Variants in FBXO16 observed in about 807,000 individuals in gnomAD.
FBXO16 encodes F-box only protein 16.
Under a neutral mutation model 41.0 loss-of-function variants are expected in FBXO16, and 31 were observed. The observed-to-expected ratio is 0.76, with a 90% CI of 0.57 to 1.02. FBXO16 has a LOEUF of 1.02. Among genes scored for constraint, FBXO16 ranks in the 50% least tolerant of loss-of-function variants. The probability of loss-of-function intolerance (pLI) is 0.00; values close to 1 mark genes in which losing one functional copy is unlikely to be tolerated. For missense variants in FBXO16, 361 were observed against 346.2 expected (o/e 1.04, Z -0.34); for synonymous variants, 133 against 117.8 (o/e 1.13, Z -0.84).
At position 28,486,564 on chromosome 8, in the gene FBXO16, G is replaced by A. The variant is rs938715285; in HGVS notation, c.-16-3102C>T. On this transcript the variant is annotated intron_variant, in intron 1 of 8. Transcript: ENST00000380254. ...TTTAAAACTAGTTGTTTTGTTGCCT[G>A]TAATCCCAGCACTTGGGAGGCTGAA... 3.3e-5 allele frequency among the ~76,000 whole-genome samples: 5 copies of A among 151,866 alleles called. 1 individual carries two copies. Among genetic ancestry groups the A allele is most frequent in the African/African-American group, 1.2e-4 (5 of 41,426 alleles).
intron 7 of FBXO16, among the ~76,000 whole-genome samples, chr8:28,432,130 T>A (rs1230895324): frequency 1.4e-4 from 1 of 7,162 alleles, no homozygotes; most frequent in South Asian, 8.2e-3. Context: ...ATGTATGGAG[T>A]GTGTGTGTGT....
At chr8:28,481,803 T>C (rs1421666427) in intron 2 of FBXO16, among the ~76,000 whole-genome samples, 2 of 131,048 alleles carry the variant, frequency 1.5e-5, no homozygotes, top group East Asian at 4.8e-4. Context: ...AGTGAGACTC[T>C]GTTTCAGGAA....
In FBXO16 at chr8:28,463,789, T is replaced by C. The variant is rs1487238232; in HGVS notation, c.165A>G (p.Arg55=). The change falls in exon 4 of 9, where the codon AGA becomes AGG. Residue 55 remains arginine, a synonymous_variant. Coordinates refer to ENST00000380254, the MANE Select transcript of FBXO16 (RefSeq NM_172366.4). ...GCTCCAACAGGCCTGTGAGGATTCT[T>C]CTTCTTTGAGAGTCTGTCCATTTGT... ...WFDKWTDSQR[R]RILTGLLERC... 1 of 1,613,894 alleles carries C rather than the reference T, an allele frequency of 6.2e-7. No homozygotes were observed. The highest frequency in any genetic ancestry group is 1.3e-5 in the African/African-American group (1 of 74,930).
At chr8:28,435,156 G>A (rs965995929) in intron 7 of FBXO16, among the ~76,000 whole-genome samples, 2 of 149,582 alleles carry the variant, frequency 1.3e-5, no homozygotes, top group Admixed American at 6.6e-5. Context: ...GACAACTGAA[G>A]GGTGATGAGG....
intron 7 of FBXO16, among the ~76,000 whole-genome samples, chr8:28,438,305 G>C (rs1357784032): frequency 6.6e-6 from 1 of 152,154 alleles, no homozygotes; most frequent in Non-Finnish European, 1.5e-5. Context: ...AACAGAGTGA[G>C]ACTGTGTCTA....
At chr8:28,432,343 G>T (rs143741667) in intron 7 of FBXO16, among the ~76,000 whole-genome samples, 3,532 of 151,868 alleles carry the variant, frequency 0.023, 133 homozygotes, top group African/African-American at 0.076. Flanking sequence ...GCGTGGTGGC[G>T]GGTGCCTGTA....
chr8:28,436,883 C>G (rs1802695026), intron 7 of FBXO16, among the ~76,000 whole-genome samples: 1 of 152,178 alleles, frequency 6.6e-6, no homozygotes, highest in African/African-American at 2.4e-5. Flanking sequence ...TCCCCAGTAG[C>G]TGGGACCACA....
chr8:28,454,753 G>GAAAAAAAAAAAAAAAAAAAA (rs1563363014), intron 5 of FBXO16, among the ~76,000 whole-genome samples: 1 of 58,342 alleles, frequency 1.7e-5, no homozygotes, highest in African/African-American at 9.9e-5. Context: ...AAAAAAAAAG[G>GAAAAAAAAAAAAAAAAAAAA]ATCATTAATT....
In FBXO16 at chr8:28,471,805, C is replaced by CACA. The variant is rs781686111; in HGVS notation, c.135+1966_135+1967insTGT. ...CTTGAAGAAAGAAAACAGAGAATCTCAAAAAAAAAAAAAAAAAAAAAAAAA... is the reference window on the plus strand; with the variant it reads ...CTTGAAGAAAGAAAACAGAGAATCTCACAAAAAAAAAAAAAAAAAAAAAAAAAA... On this transcript the variant is annotated intron_variant, in intron 3 of 8. Transcript: ENST00000380254. Among the ~76,000 whole-genome samples, 26 of 23,742 alleles carry CACA rather than the reference C, an allele frequency of 1.1e-3. 1 individual carries two copies. Among genetic ancestry groups the CACA allele is most frequent in the Admixed American group, 3.8e-3 (6 of 1,582 alleles). 15.6% of individuals were successfully genotyped at this position (23,742 alleles called of 152,430 possible).
At chr8:28,436,718 A>G (rs182229366) in intron 7 of FBXO16, among the ~76,000 whole-genome samples, 1 of 152,202 alleles carries the variant, frequency 6.6e-6, no homozygotes, top group Non-Finnish European at 1.5e-5. Context: ...AAACACACAT[A>G]CACACACACA....
intron 6 of FBXO16, among the ~76,000 whole-genome samples, chr8:28,450,281 G>T (rs1802932784): frequency 6.6e-6 from 1 of 152,244 alleles, no homozygotes; most frequent in Middle Eastern, 3.4e-3. Context: ...AAACAATGAA[G>T]TTGGACCCCA....
intron 7 of FBXO16, among the ~76,000 whole-genome samples, chr8:28,441,310 C>A (rs1802769609): frequency 6.6e-6 from 1 of 152,154 alleles, no homozygotes; most frequent in Admixed American, 6.6e-5. Flanking sequence ...GTTTTCCCTG[C>A]CTCTGAAGTC....
intron 7 of FBXO16, among the ~76,000 whole-genome samples, chr8:28,430,518 A>C (rs1300332105): frequency 6.6e-6 from 1 of 152,202 alleles, no homozygotes; most frequent in Non-Finnish European, 1.5e-5. Flanking sequence ...AAGGGGTAAG[A>C]GATGGGAGTA....
chr8:28,460,334 C>T lies in FBXO16; in HGVS notation c.342+3278G>A, dbSNP rs1033778256. ...CATGATCATAGCTTACTGTAGCCTTCAACCCCCCAGCCTTAAGCAAGCAAT... is the reference window on the plus strand; with the variant it reads ...CATGATCATAGCTTACTGTAGCCTTTAACCCCCCAGCCTTAAGCAAGCAAT... On this transcript the variant is annotated intron_variant, in intron 4 of 8. Coordinates refer to ENST00000380254, the MANE Select transcript of FBXO16 (RefSeq NM_172366.4). Among the ~76,000 whole-genome samples, 4 of 119,340 alleles carry T rather than the reference C, an allele frequency of 3.4e-5. No homozygotes were observed. The South Asian group carries it at 1.1e-3, about 33-fold the overall frequency. The allele number at this position is 119,340 out of a possible 152,430, so 78.3% of individuals were successfully genotyped here. A position where few individuals can be genotyped will look rare whatever the true frequency, so the allele number is the denominator to read the frequency against.
At chr8:28,459,427 G>A (rs922621112) in intron 4 of FBXO16, among the ~76,000 whole-genome samples, 1 of 151,878 alleles carries the variant, frequency 6.6e-6, no homozygotes, top group Non-Finnish European at 1.5e-5. Context: ...AGACCTGTCT[G>A]GCCAACATGG....
In FBXO16 at chr8:28,452,385, C is replaced by G. The variant is rs756667453; in HGVS notation, c.599G>C (p.Arg200Pro). 2.5e-6 allele frequency: 4 copies of G among 1,614,070 alleles called. No homozygotes were observed. Among genetic ancestry groups the G allele is most frequent in the South Asian group, 2.2e-5 (2 of 91,080 alleles). Residue 200 changes from arginine to proline, a missense_variant, in exon 6 of 9, where the codon CGG (arginine) becomes CCG (proline). Arg to Pro is a moderately radical substitution (Grantham distance 103). Coordinates refer to ENST00000380254, the MANE Select transcript of FBXO16 (RefSeq NM_172366.4). ...EEKQSPLSAFRSSSSLRKKNN... is the reference protein window; with the variant it reads ...EEKQSPLSAFPSSSSLRKKNN... ...CTTCTTTCTTAAAGAGGAAGAGGAC[C>G]GAAAAGCTGATAAAGGGGACTGTTT...
intron 6 of FBXO16, among the ~76,000 whole-genome samples, chr8:28,448,550 A>C (rs1802903283): frequency 1.3e-5 from 2 of 152,196 alleles, no homozygotes; most frequent in Non-Finnish European, 2.9e-5. Context: ...ACAAATATAT[A>C]TCTATTGAGT....
chr8:28,444,982 C>G (rs1802841247), intron 7 of FBXO16, among the ~76,000 whole-genome samples: 1 of 151,796 alleles, frequency 6.6e-6, no homozygotes. Context: ...CCGATGAGGG[C>G]AAACTACCAT....
At position 28,457,048 on chromosome 8, in the gene FBXO16, G is replaced by T. The variant is rs551101841; in HGVS notation, c.343-118C>A. ...ACCTGAGAAAACTTTTTTGTCCTTT[G>T]CCTCCAAACCATAGCTTAAATGGTT... On this transcript the variant is annotated intron_variant, in intron 4 of 8. Coordinates refer to ENST00000380254, the MANE Select transcript of FBXO16 (RefSeq NM_172366.4). 2.8e-6 allele frequency: 3 copies of T among 1,072,664 alleles called. No individual in the cohort carries two copies. In the Admixed American group the frequency reaches 8.2e-5, roughly 29 times the overall value. 66.4% of individuals were successfully genotyped at this position (1,072,664 alleles called of 1,614,324 possible).
Sources: allele counts gnomAD v4.1 joint callset (sites outside exome capture counted in the v4.1 genomes callset), GRCh38; gene constraint gnomAD v4.1.1; transcripts MANE v1.5; gene names NCBI Gene and HGNC (gene_info 2026-07-23, HGNC 2026-07-21).